The following DDAH1 variants were observed in gnomAD, a reference collection of about 807,000 sequenced individuals.
DDAH1 encodes dimethylarginine dimethylaminohydrolase 1, also known as N(G),N(G)-dimethylarginine dimethylaminohydrolase 1.
Under a neutral mutation model 28.8 loss-of-function variants are expected in DDAH1, and 19 were observed. The observed-to-expected ratio is 0.66, with a 90% CI of 0.46 to 0.97. The LOEUF is 0.97. Among genes scored for constraint, DDAH1 ranks in the 50% least tolerant of loss-of-function variants. The probability of loss-of-function intolerance (pLI) is 0.00; values close to 1 mark genes in which losing one functional copy is unlikely to be tolerated. For synonymous variants in DDAH1, 153 were observed against 154.4 expected, an observed-to-expected ratio of 0.99 and a Z score of 0.07; for missense variants, 326 against 375.9, an observed-to-expected ratio of 0.87 and a Z score of 1.10.
intron 1 of DDAH1, among the ~76,000 whole-genome samples, chr1:85,418,936 T>A (rs748797459): frequency 1.3e-5 from 2 of 152,152 alleles, no homozygotes; most frequent in Non-Finnish European, 2.9e-5. Flanking sequence ...TCTGCTCATA[T>A]CGTAGTTGGG....
intron 1 of DDAH1, among the ~76,000 whole-genome samples, chr1:85,430,489 C>T (rs541495446): frequency 1.2e-4 from 19 of 152,252 alleles, no homozygotes; most frequent in Admixed American, 2.6e-4. Flanking sequence ...TTACTTTGGG[C>T]AGTATGGCCA....
chr1:85,504,714 C>T (rs1278479313), intron 1 of DDAH1, among the ~76,000 whole-genome samples: 2 of 152,086 alleles, frequency 1.3e-5, no homozygotes, highest in Non-Finnish European at 2.9e-5. Flanking sequence ...GTGACTTGCC[C>T]ACTGTTACAT....
At chr1:85,523,159 G>A (rs1259895804) in intron 1 of DDAH1, among the ~76,000 whole-genome samples, 3 of 152,144 alleles carry the variant, frequency 2.0e-5, no homozygotes, top group Non-Finnish European at 2.9e-5. Flanking sequence ...GCAGTTGAAG[G>A]AGGGTAGGAA....
intron 1 of DDAH1, among the ~76,000 whole-genome samples, chr1:85,544,922 C>G (rs1257732047): frequency 6.6e-6 from 1 of 152,144 alleles, no homozygotes; most frequent in Non-Finnish European, 1.5e-5. Flanking sequence ...AAGATAGCAA[C>G]AGTGGGGTTC....
intron 1 of DDAH1, among the ~76,000 whole-genome samples, chr1:85,418,326 T>G (rs552796929): frequency 6.6e-6 from 1 of 152,252 alleles, no homozygotes; most frequent in Non-Finnish European, 1.5e-5. Flanking sequence ...TAATTTGTTT[T>G]TTGTCCCACT....
intron 1 of DDAH1, among the ~76,000 whole-genome samples, chr1:85,433,321 C>T (rs980079259): frequency 3.3e-5 from 5 of 151,942 alleles, no homozygotes; most frequent in Non-Finnish European, 7.4e-5. Context: ...TTGGCAGGGG[C>T]GAGGAGACAG....
chr1:85,499,316 A>G (rs1420778046), intron 1 of DDAH1, among the ~76,000 whole-genome samples: 3 of 152,222 alleles, frequency 2.0e-5, no homozygotes, highest in East Asian at 1.9e-4. Flanking sequence ...GGTAATTCAT[A>G]TATACATTAA....
chr1:85,332,032 T>A (rs1647798237), intron 4 of DDAH1, among the ~76,000 whole-genome samples: 1 of 152,134 alleles, frequency 6.6e-6, no homozygotes, highest in African/African-American at 2.4e-5. Flanking sequence ...ATCCTAGTCA[T>A]AAGAGTCTCT....
chr1:85,374,333 T>C (rs1650541094), intron 1 of DDAH1, among the ~76,000 whole-genome samples: 1 of 152,162 alleles, frequency 6.6e-6, no homozygotes, highest in Admixed American at 6.6e-5. Context: ...GCACATCCTT[T>C]GTTTACAAAC....
At chr1:85,507,857 T>A (rs1407342458) in intron 1 of DDAH1, among the ~76,000 whole-genome samples, 2 of 152,202 alleles carry the variant, frequency 1.3e-5, no homozygotes, top group Admixed American at 6.5e-5. Flanking sequence ...ATATCTCAAA[T>A]TCAGATTCTT....
chr1:85,504,098 A>G (rs1656923843), intron 1 of DDAH1, among the ~76,000 whole-genome samples: 1 of 152,230 alleles, frequency 6.6e-6, no homozygotes, highest in Non-Finnish European at 1.5e-5. Flanking sequence ...CGTAGGCTGC[A>G]TTGTAGGGAA....
chr1:85,491,439 G>C (rs914232997), intron 2 of DDAH1, among the ~76,000 whole-genome samples: 1 of 152,170 alleles, frequency 6.6e-6, no homozygotes, highest in Admixed American at 6.6e-5. Flanking sequence ...TTTCTTTGCT[G>C]GTAGAACTGC....
rs1286163227 is a variant in DDAH1, at chr1:85,335,798, T to A, written c.598-10915A>T. Among the ~76,000 whole-genome samples, 4 of 151,600 alleles carry A rather than the reference T, an allele frequency of 2.6e-5. No individual in the cohort carries two copies. The South Asian group carries it at 8.3e-4, about 32-fold the overall frequency. ...GCAACATGGTGAAACCCTGTCTCTA[T>A]AAAAAATACAAAAATTAGCTGGGCA... On this transcript the variant is annotated intron_variant, in intron 4 of 5. Transcript: ENST00000284031.
At chr1:85,326,592 T>G (rs1204499740) in intron 4 of DDAH1, among the ~76,000 whole-genome samples, 2 of 152,238 alleles carry the variant, frequency 1.3e-5, no homozygotes, top group African/African-American at 4.8e-5. Context: ...AGCAGGAAAC[T>G]ACCTCCTACA....
chr1:85,381,070 C>T (rs961036760), intron 1 of DDAH1, among the ~76,000 whole-genome samples: 1 of 150,346 alleles, frequency 6.7e-6, no homozygotes, highest in African/African-American at 2.4e-5. Context: ...AACCTCATCT[C>T]TACTAAAAAA....
intron 1 of DDAH1, among the ~76,000 whole-genome samples, chr1:85,550,752 C>T (rs577662560): frequency 1.3e-5 from 2 of 152,050 alleles, no homozygotes; most frequent in Admixed American, 6.5e-5. Context: ...ATAAAAAACA[C>T]ACACACACAC....
At position 85,449,501 on chromosome 1, in the gene DDAH1, T is replaced by C. The variant is rs77373063; in HGVS notation, c.303+15242A>G. On this transcript the variant is annotated intron_variant, in intron 1 of 5. Transcript: ENST00000284031. Reference sequence around the variant, plus strand: ...TGATGAGGCTGACCAACAGACCTATTGAACAAGGGACACTTTATTTCTTCT... The same window carrying C: ...TGATGAGGCTGACCAACAGACCTATCGAACAAGGGACACTTTATTTCTTCT... Among the ~76,000 whole-genome samples, 885 of 152,174 alleles carry C rather than the reference T, an allele frequency of 5.8e-3. 9 individuals carry two copies. The highest frequency in any genetic ancestry group is 0.02 in the African/African-American group (821 of 41,518).
intron 5 of DDAH1, among the ~76,000 whole-genome samples, chr1:85,324,070 TACCGGCCTGGGCAATATAATGAA>T (rs1343635392): frequency 4.0e-5 from 6 of 150,550 alleles, no homozygotes; most frequent in Non-Finnish European, 8.8e-5. Flanking sequence ...ACGAATTTGA[TACCGGCCTGGGCAATATAATGAA>T]ACCCCATCTC....
chr1:85,471,838 G>A (rs1570585857), intron 2 of DDAH1, among the ~76,000 whole-genome samples: 1 of 152,298 alleles, frequency 6.6e-6, no homozygotes, highest in South Asian at 2.1e-4. Context: ...CTCCTCCTGT[G>A]CAAGCAACAC....
Sources: gnomAD v4.1 joint callset for allele counts (sites outside exome capture counted in the v4.1 genomes callset) on GRCh38, gnomAD v4.1.1 for gene constraint, MANE v1.5 for transcripts, NCBI Gene and HGNC (gene_info 2026-07-23, HGNC 2026-07-21) for gene names.